Variants in HLCS observed in about 807,000 individuals in gnomAD.
HLCS encodes holocarboxylase synthetase.
Under a neutral mutation model 75.0 loss-of-function variants are expected in HLCS, and 53 were observed. That is an observed-to-expected ratio of 0.71 (90% CI 0.57 to 0.89). The LOEUF (loss-of-function observed/expected upper bound fraction) is 0.89. Among genes scored for constraint, HLCS ranks in the 40% least tolerant of loss-of-function variants. The pLI is 0.00. For missense variants in HLCS, 966 were observed against 1,074.0 expected (o/e 0.90, Z 1.41); for synonymous variants, 431 against 428.6 (o/e 1.01, Z -0.07).
chr21:36,850,730 CAAGGG>C (rs1326137595), intron 6 of HLCS, among the ~76,000 whole-genome samples: 2 of 152,132 alleles, frequency 1.3e-5, no homozygotes, highest in Non-Finnish European at 2.9e-5. Context: ...GTCCTGAGTC[CAAGGG>C]AATAGCAGGG....
At chr21:36,897,464 C>T (rs751423935) in intron 5 of HLCS, among the ~76,000 whole-genome samples, 4 of 152,156 alleles carry the variant, frequency 2.6e-5, no homozygotes, top group African/African-American at 9.7e-5. Flanking sequence ...TCCAGTCCTC[C>T]GTTCATTTTA....
chr21:36,833,890 C>T (rs2062307293), intron 6 of HLCS, among the ~76,000 whole-genome samples: 1 of 152,166 alleles, frequency 6.6e-6, no homozygotes. Flanking sequence ...AGAGATGATT[C>T]TCCTTTACAC....
At chr21:36,779,149 C>T (rs1568996809) in intron 6 of HLCS, among the ~76,000 whole-genome samples, 1 of 876 alleles carries the variant, frequency 1.1e-3, no homozygotes, top group African/African-American at 5.0e-3. Context: ...CCTGAGTACA[C>T]AAAAAATTGG....
At chr21:36,841,680 G>A (rs1169510667) in intron 6 of HLCS, among the ~76,000 whole-genome samples, 4 of 152,214 alleles carry the variant, frequency 2.6e-5, no homozygotes, top group Non-Finnish European at 5.9e-5. Context: ...ATAATGCAAC[G>A]TACGATTCTT....
chr21:36,931,472 G>A (rs1221125656), intron 4 of HLCS, among the ~76,000 whole-genome samples: 1 of 152,098 alleles, frequency 6.6e-6, no homozygotes, highest in Non-Finnish European at 1.5e-5. Flanking sequence ...GCAGGAGGCT[G>A]GGTATAAAGG....
intron 6 of HLCS, among the ~76,000 whole-genome samples, chr21:36,890,433 C>A (rs545209143): frequency 6.6e-6 from 1 of 152,126 alleles, no homozygotes; most frequent in South Asian, 2.1e-4. Flanking sequence ...GCATCACTAA[C>A]GGGGTTTTGA....
Position 36,982,429 on chromosome 21 carries a change from G to A in HLCS, c.-393+7729C>T, listed in dbSNP as rs73389871. 6.9e-3 allele frequency among the ~76,000 whole-genome samples: 1,058 copies of A among 152,298 alleles called. 14 individuals are homozygous for A. The highest frequency in any genetic ancestry group is 0.025 in the African/African-American group (1,025 of 41,560). On this transcript the variant is annotated intron_variant, in intron 1 of 11. Coordinates refer to the HLCS transcript ENST00000336648. Reference sequence around the variant, plus strand: ...CAGAATTAAGAGATAATGCTAAACTGTTTTCCAAAGCAGTTATACCAATGT... The same window carrying A: ...CAGAATTAAGAGATAATGCTAAACTATTTTCCAAAGCAGTTATACCAATGT...
intron 5 of HLCS, among the ~76,000 whole-genome samples, chr21:36,899,760 G>A (rs1012299754): frequency 1.3e-5 from 2 of 152,160 alleles, no homozygotes; most frequent in African/African-American, 4.8e-5. Context: ...ATGATCAAAG[G>A]GGTCAAAATT....
At position 36,933,843 on chromosome 21, in the gene HLCS, C is replaced by A. The variant is rs548878319; in HGVS notation, c.1437+2606G>T. On this transcript the variant is annotated intron_variant, in intron 4 of 10. Coordinates refer to ENST00000674895, the MANE Select transcript of HLCS (RefSeq NM_001352514.2). The stretch of plus-strand genomic sequence containing the variant: ...GTGAATACACAGAGTAGCCAAGATG[C>A]ACACGCAGTGAATTGTATGAACTCG... Among the ~76,000 whole-genome samples, 8 of 152,300 alleles carry A rather than the reference C, an allele frequency of 5.3e-5. No individual in the cohort carries two copies. The East Asian group carries it at 1.5e-3, about 29-fold the overall frequency.
intron 6 of HLCS, among the ~76,000 whole-genome samples, chr21:36,853,287 C>G (rs2063075954): frequency 6.6e-6 from 1 of 152,184 alleles, no homozygotes; most frequent in Non-Finnish European, 1.5e-5. Flanking sequence ...CTTTAAACCT[C>G]TCCTTAAACA....
At position 36,917,027 on chromosome 21, in the gene HLCS, A is replaced by G. The variant is rs188026978; in HGVS notation, c.1620+13224T>C. 4.2e-3 allele frequency among the ~76,000 whole-genome samples: 633 copies of G among 152,336 alleles called. 5 individuals carry two copies. The highest frequency in any genetic ancestry group is 0.014 in the African/African-American group (582 of 41,574). ...AGGAAAATGTGGCAAAAGGTTCACC[A>G]GTGGTAAATCTGGGTGAAGGCTCCA... is the stretch of plus-strand genomic sequence containing the variant. On this transcript the variant is annotated intron_variant, in intron 5 of 10. Transcript: ENST00000674895.
chr21:36,796,325 T>G (rs553326829), intron 6 of HLCS, among the ~76,000 whole-genome samples: 1 of 152,242 alleles, frequency 6.6e-6, no homozygotes, highest in East Asian at 1.9e-4. Context: ...ACATAACATA[T>G]GGGTGGGCAA....
chr21:36,970,012 C>T (rs1310161739), upstream of HLCS, among the ~76,000 whole-genome samples: 1 of 152,230 alleles, frequency 6.6e-6, no homozygotes, highest in Non-Finnish European at 1.5e-5. Context: ...TCTCCACAGA[C>T]TCAAAAAGTC....
At chr21:36,817,850 C>T (rs1041354825) in intron 6 of HLCS, among the ~76,000 whole-genome samples, 2 of 152,212 alleles carry the variant, frequency 1.3e-5, no homozygotes, top group African/African-American at 4.8e-5. Context: ...AACGATCCTA[C>T]ACATCAAACC....
intron 2 of HLCS, among the ~76,000 whole-genome samples, chr21:36,949,498 G>A (rs2067570329): frequency 6.6e-6 from 1 of 152,220 alleles, no homozygotes; most frequent in Non-Finnish European, 1.5e-5. Context: ...GAGGCTCCAA[G>A]GTTTCTCATG....
In HLCS at chr21:36,750,104, A is replaced by G. The variant is rs2089320361; in HGVS notation, c.*4142T>C. The stretch of plus-strand genomic sequence containing the variant: ...AGAGCTGTTACTGTGGCAACCTAAT[A>G]TTGTGACCTCCATCTTGAAGAGTCT... On this transcript the variant is annotated 3_prime_UTR_variant, in exon 11 of 11. Transcript: ENST00000674895. Among the ~76,000 whole-genome samples, 1 of 152,196 alleles carries G rather than the reference A, an allele frequency of 6.6e-6. No homozygotes were observed. Among genetic ancestry groups the G allele is most frequent in the Non-Finnish European group, 1.5e-5 (1 of 68,038 alleles).
chr21:36,774,758 A>C (rs1971598455), intron 6 of HLCS, among the ~76,000 whole-genome samples: 1 of 152,202 alleles, frequency 6.6e-6, no homozygotes, highest in African/African-American at 2.4e-5. Flanking sequence ...GGGATGCAGA[A>C]TCTTCACTTC....
chr21:36,872,801 A>G (rs2063817397), intron 6 of HLCS, among the ~76,000 whole-genome samples: 1 of 152,208 alleles, frequency 6.6e-6, no homozygotes. Context: ...ACGACCTACA[A>G]GTCTGCATAG....
chr21:36,781,298 C>G (rs1296427441), intron 6 of HLCS, among the ~76,000 whole-genome samples: 1 of 147,850 alleles, frequency 6.8e-6, no homozygotes, highest in African/African-American at 2.5e-5. Context: ...TATTTTTAGT[C>G]TAAGTGCATT....
Sources: gnomAD v4.1 joint callset for allele counts (sites outside exome capture counted in the v4.1 genomes callset) on GRCh38, gnomAD v4.1.1 for gene constraint, MANE v1.5 for transcripts, NCBI Gene and HGNC (gene_info 2026-07-23, HGNC 2026-07-21) for gene names.